CYP20A1: variants seen among roughly 807,000 people sequenced by gnomAD.
CYP20A1 encodes the protein cytochrome P450 family 20 subfamily A member 1, also known as cytochrome P450 20A1.
Under a neutral mutation model 61.4 loss-of-function variants are expected in CYP20A1, and 61 were observed. That is an observed-to-expected ratio of 0.99 (90% CI 0.81 to 1.23). The LOEUF (loss-of-function observed/expected upper bound fraction) is 1.23. Ranked by LOEUF, CYP20A1 falls within the 50% of genes most tolerant of loss-of-function variation. CYP20A1 has a pLI of 0.00. For missense variants in CYP20A1, 530 were observed against 542.4 expected, an observed-to-expected ratio of 0.98 and a Z score of 0.23; for synonymous variants, 193 against 188.2, an observed-to-expected ratio of 1.03 and a Z score of -0.21.
rs150934948 is a variant in CYP20A1, at chr2:203,296,558, G to A, written c.1233G>A (p.Glu411=). Reference sequence around the variant, plus strand: ...TCTCAGGCACACAGGAGTGTCCAGAGTTGAGGTGAATAATAGAATGCCAGA... The same window carrying A: ...TCTCAGGCACACAGGAGTGTCCAGAATTGAGGTGAATAATAGAATGCCAGA... ...LGFSGTQECP[E]LRFAYMVTTV... Residue 411 remains glutamate, a synonymous_variant, in exon 12 of 13, where the codon GAG becomes GAA. Coordinates refer to ENST00000356079, the MANE Select transcript of CYP20A1 (RefSeq NM_177538.3). The A allele has an allele frequency of 2.5e-6, 4 of 1,607,508 alleles. No homozygotes were observed. In the African/African-American group the frequency reaches 5.3e-5, roughly 21 times the overall value.
chr2:203,275,055 A>G (rs1435840187), intron 6 of CYP20A1, among the ~76,000 whole-genome samples: 10 of 152,212 alleles, frequency 6.6e-5, no homozygotes, highest in Admixed American at 6.5e-5. Flanking sequence ...TTTAATTCCC[A>G]ACCTGCTTTG....
chr2:203,281,425 C>T (rs2068036854), intron 8 of CYP20A1, among the ~76,000 whole-genome samples: 1 of 152,022 alleles, frequency 6.6e-6, no homozygotes, highest in Non-Finnish European at 1.5e-5. Context: ...GGGAGGATCA[C>T]CTAAGCCCAG....
rs2069169403 is a variant in CYP20A1, at chr2:203,305,193, T to G, written c.*8285T>G. 8.6e-6 allele frequency among the ~76,000 whole-genome samples: 1 copy of G among 115,912 alleles called. No homozygotes were observed. Among genetic ancestry groups the G allele is most frequent in the African/African-American group, 3.2e-5 (1 of 31,052 alleles). 76.0% of individuals were successfully genotyped at this position (115,912 alleles called of 152,430 possible). On this transcript the variant is annotated 3_prime_UTR_variant, in exon 13 of 13. Coordinates refer to ENST00000356079, the MANE Select transcript of CYP20A1 (RefSeq NM_177538.3). ...TAATTGGTTTACAGTTCGGTGGCTG[T>G]CTTTTTTTTTTTTTTTTTTTTTTTT... is the stretch of plus-strand genomic sequence containing the variant.
chr2:203,260,950 T>C (rs1302996136), intron 4 of CYP20A1, among the ~76,000 whole-genome samples: 1 of 152,224 alleles, frequency 6.6e-6, no homozygotes, highest in South Asian at 2.1e-4. Context: ...GTGCTTTCTC[T>C]CTCTCTCTTT....
Position 203,285,632 on chromosome 2 carries a change from T to G in CYP20A1, c.871T>G (p.Phe291Val). ...CCTAGTGTGTACCTGGGCAATCTGT[T>G]TTTTAACCACCTCTGAAGAAGTTCA... The part of the protein sequence containing the change: ...TAKLCTWAIC[F>V]LTTSEEVQKK... The change falls in exon 9 of 13, where the codon TTT (phenylalanine) becomes GTT (valine). Residue 291 changes from phenylalanine (F) to valine (V), a missense_variant. Coordinates refer to ENST00000356079, the MANE Select transcript of CYP20A1 (RefSeq NM_177538.3). 6.3e-7 allele frequency: 1 copy of G among 1,593,062 alleles called. No individual in the cohort carries two copies. Among genetic ancestry groups the G allele is most frequent in the Non-Finnish European group, 8.5e-7 (1 of 1,174,952 alleles).
In CYP20A1 at chr2:203,298,322, C is replaced by A; in HGVS notation, c.*1414C>A. On this transcript the variant is annotated 3_prime_UTR_variant, in exon 13 of 13. Transcript: ENST00000356079. ...AGGATCACTTGAGACCAGGAGAGGT[C>A]AAGGCTGCAGTGATCTGTGATCACA... 5.5e-6 allele frequency: 1 copy of A among 181,390 alleles called. No homozygotes were observed. Among genetic ancestry groups the A allele is most frequent in the South Asian group, 2.0e-4 (1 of 5,062 alleles). 11.2% of individuals were successfully genotyped at this position (181,390 alleles called of 1,614,324 possible).
In CYP20A1 at chr2:203,305,162, C is replaced by G. The variant is rs2152121138; in HGVS notation, c.*8254C>G. On this transcript the variant is annotated 3_prime_UTR_variant, in exon 13 of 13. Coordinates refer to ENST00000356079, the MANE Select transcript of CYP20A1 (RefSeq NM_177538.3). ...AAATCACACTCTTCCAGTTCTACTC[C>G]CAATTTAATTGGTTTACAGTTCGGT... 6.6e-6 allele frequency among the ~76,000 whole-genome samples: 1 copy of G among 151,064 alleles called. No individual in the cohort carries two copies. Among genetic ancestry groups the G allele is most frequent in the East Asian group, 1.9e-4 (1 of 5,144 alleles).
In CYP20A1 at chr2:203,302,302, G is replaced by A. The variant is rs1221496014; in HGVS notation, c.*5394G>A. On this transcript the variant is annotated 3_prime_UTR_variant, in exon 13 of 13. Transcript: ENST00000356079. ...CTCAAGCACTTTGGGAGTTCAAGGC[G>A]GCCAGATTGCTTGAGCTTTTAGAAG... Among the ~76,000 whole-genome samples the A allele has an allele frequency of 1.3e-5, 2 of 152,114 alleles. No homozygotes were observed. Among genetic ancestry groups the A allele is most frequent in the African/African-American group, 4.8e-5 (2 of 41,444 alleles).
chr2:203,274,188 A>G (rs1007090563), intron 6 of CYP20A1, among the ~76,000 whole-genome samples: 1 of 142,534 alleles, frequency 7.0e-6, no homozygotes, highest in Non-Finnish European at 1.5e-5. Context: ...TTTTAAAATA[A>G]TTTTTTTTTT....
chr2:203,284,737 C>CTTTTT (rs748438150), intron 8 of CYP20A1, among the ~76,000 whole-genome samples: 5 of 99,114 alleles, frequency 5.0e-5, no homozygotes, highest in African/African-American at 4.4e-5. Flanking sequence ...AGAACCACTG[C>CTTTTT]TTTTTTTTTT....
At position 203,289,764 on chromosome 2, in the gene CYP20A1, G is replaced by A; in HGVS notation, c.972-1G>A. ...CTTCAAAAAAAATTTTTTTAAAACA[G>A]ATATTGTCAGCATGTGCTTTGTGAA... On this transcript the variant is annotated splice_acceptor_variant, in intron 9 of 12. Transcript: ENST00000356079. LOFTEE classifies it high-confidence loss of function. The A allele has an allele frequency of 6.5e-7, 1 of 1,541,958 alleles. No homozygotes were observed. Among genetic ancestry groups the A allele is most frequent in the Non-Finnish European group, 8.7e-7 (1 of 1,143,548 alleles).
chr2:203,252,261 A>G, intron 4 of CYP20A1, 152 bp downstream of exon 4: 1 of 600,668 alleles, frequency 1.7e-6, no homozygotes, highest in Non-Finnish European at 2.7e-6. Context: ...ACAATAACAA[A>G]ACACACACAC....
chr2:203,287,995 T>C (rs1350986439), intron 9 of CYP20A1, among the ~76,000 whole-genome samples: 1 of 151,266 alleles, frequency 6.6e-6, no homozygotes, highest in Non-Finnish European at 1.5e-5. Context: ...TGAGTTTTTC[T>C]TTTCTTTTTT....
At chr2:203,272,571 A>AAAAAT in intron 5 of CYP20A1, 99 bp from the exon 6 acceptor site, 1 of 500,144 alleles carries the variant, frequency 2.0e-6, no homozygotes, top group Non-Finnish European at 3.2e-6. Flanking sequence ...AAAAAAAAAA[A>AAAAAT]GAGTTAAAGA....
At chr2:203,262,356 C>A (rs1408447655) in intron 4 of CYP20A1, among the ~76,000 whole-genome samples, 1 of 152,154 alleles carries the variant, frequency 6.6e-6, no homozygotes, top group Non-Finnish European at 1.5e-5. Context: ...CCATGCCAGA[C>A]CTGCAAGTCT....
Position 203,302,626 on chromosome 2 carries a change from A to G in CYP20A1, c.*5718A>G, listed in dbSNP as rs1280541713. Among the ~76,000 whole-genome samples, 1 of 152,184 alleles carries G rather than the reference A, an allele frequency of 6.6e-6. No homozygotes were observed. The highest frequency in any genetic ancestry group is 1.5e-5 in the Non-Finnish European group (1 of 68,044). Reference sequence around the variant, plus strand: ...TGCATTTAACATATTCTGAACCAATAGTCTTTTCTACAAGCAGAACATTAG... The same window carrying G: ...TGCATTTAACATATTCTGAACCAATGGTCTTTTCTACAAGCAGAACATTAG... On this transcript the variant is annotated 3_prime_UTR_variant, in exon 13 of 13. Coordinates refer to ENST00000356079, the MANE Select transcript of CYP20A1 (RefSeq NM_177538.3).
chr2:203,294,228 G>A (rs2152113059), intron 11 of CYP20A1, among the ~76,000 whole-genome samples: 1 of 151,664 alleles, frequency 6.6e-6, no homozygotes, highest in East Asian at 1.9e-4. Context: ...GGCTGGTCTT[G>A]GAATAAGCAA....
intron 4 of CYP20A1, among the ~76,000 whole-genome samples, chr2:203,254,198 G>T (rs549753680): frequency 2.6e-5 from 4 of 152,146 alleles, no homozygotes; most frequent in African/African-American, 9.6e-5. Context: ...CACCACCTCA[G>T]CCTCCCAAAG....
intron 1 of CYP20A1, among the ~76,000 whole-genome samples, chr2:203,243,786 C>T (rs6742936): frequency 0.89 from 133,619 of 150,358 alleles, 60,318 homozygotes; most frequent in Non-Finnish European, 0.96. Context: ...ACCTCCCAGG[C>T]TCAAGTGATC....
Sources: allele counts gnomAD v4.1 joint callset (sites outside exome capture counted in the v4.1 genomes callset), GRCh38; gene constraint gnomAD v4.1.1; transcripts MANE v1.5; gene names NCBI Gene and HGNC (gene_info 2026-07-23, HGNC 2026-07-21).